Variants in VSTM4 observed in about 807,000 individuals in gnomAD.
VSTM4 encodes V-set and transmembrane domain containing 4.
In VSTM4, 20 loss-of-function variants were observed where a neutral mutation model predicts 36.4. The observed-to-expected ratio is 0.55, with a 90% CI of 0.39 to 0.80. VSTM4 has a LOEUF of 0.80. Ranked by LOEUF, VSTM4 falls within the 30% of genes least tolerant of loss-of-function variation. VSTM4 has a pLI of 0.00. For synonymous variants in VSTM4, 182 were observed against 173.9 expected (o/e 1.05, Z -0.37); for missense variants, 392 against 404.5 (o/e 0.97, Z 0.26).
chr10:49,028,802 A>G (rs768473680), intron 7 of VSTM4, among the ~76,000 whole-genome samples: 2 of 152,252 alleles, frequency 1.3e-5, no homozygotes, highest in East Asian at 1.9e-4. Flanking sequence ...CAAAAGTTCA[A>G]TTGGGTAATA....
chr10:49,103,979 C>G, intron 2 of VSTM4: 1 of 778,336 alleles, frequency 1.3e-6, no homozygotes, highest in African/African-American at 1.7e-5. Flanking sequence ...AGGTACGGAC[C>G]ACAGAACTTC....
chr10:49,033,583 C>T (rs1237339946), intron 7 of VSTM4, among the ~76,000 whole-genome samples: 1 of 152,214 alleles, frequency 6.6e-6, no homozygotes, highest in African/African-American at 2.4e-5. Flanking sequence ...AGACATTAAA[C>T]ACCCTGAAAA....
chr10:49,028,728 C>G (rs2131937788), intron 7 of VSTM4, among the ~76,000 whole-genome samples: 1 of 152,312 alleles, frequency 6.6e-6, no homozygotes, highest in African/African-American at 2.4e-5. Flanking sequence ...GGATGTGTAA[C>G]TTGAATTAAG....
chr10:49,021,493 A>C (rs2137919), intron 7 of VSTM4, among the ~76,000 whole-genome samples: 135,256 of 152,150 alleles, frequency 0.89, 60,662 homozygotes, highest in East Asian at 1. Context: ...TATTAAAGGG[A>C]TTTGCAATTC....
At chr10:49,023,676 A>T (rs997429898) in intron 7 of VSTM4, among the ~76,000 whole-genome samples, 1 of 152,200 alleles carries the variant, frequency 6.6e-6, no homozygotes, top group African/African-American at 2.4e-5. Flanking sequence ...AAGCTAGGGA[A>T]TCACTCCCAG....
intron 7 of VSTM4, among the ~76,000 whole-genome samples, chr10:49,037,936 C>CAA (rs371679019): frequency 3.1e-5 from 4 of 128,162 alleles, no homozygotes; most frequent in South Asian, 2.5e-4. Context: ...TAGCTACTAT[C>CAA]AAAGAAAAAA....
At chr10:49,086,094 A>G (rs1844366549) in intron 2 of VSTM4, 71 bp from the exon 3 acceptor site, 3 of 982,866 alleles carry the variant, frequency 3.1e-6, no homozygotes, top group Non-Finnish European at 4.5e-6. Flanking sequence ...ACTTACATTT[A>G]CAAAGCAATT....
Position 49,032,174 on chromosome 10 carries a change from A to G in VSTM4, c.838-12399T>C, listed in dbSNP as rs141777588. On this transcript the variant is annotated intron_variant, in intron 7 of 7. Coordinates refer to ENST00000332853, the MANE Select transcript of VSTM4 (RefSeq NM_001031746.5). Reference sequence around the variant, plus strand: ...AAAGAATGTGACAACAGCACCTAATATTTACTTAGTACAACAACTAGTCTA... The same window carrying G: ...AAAGAATGTGACAACAGCACCTAATGTTTACTTAGTACAACAACTAGTCTA... 1.5e-4 allele frequency among the ~76,000 whole-genome samples: 23 copies of G among 152,340 alleles called. No individual in the cohort carries two copies. In the East Asian group the frequency reaches 4.4e-3, roughly 29 times the overall value.
chr10:49,105,205 C>T (rs199922930), intron 2 of VSTM4, among the ~76,000 whole-genome samples: 2 of 70,650 alleles, frequency 2.8e-5, no homozygotes, highest in African/African-American at 6.0e-5. Flanking sequence ...GAGGGAGAGA[C>T]AGAGAGACAG....
chr10:49,092,821 T>C (rs1324876949), intron 2 of VSTM4, among the ~76,000 whole-genome samples: 1 of 151,898 alleles, frequency 6.6e-6, no homozygotes, highest in East Asian at 1.9e-4. Flanking sequence ...CGCAAGCGGC[T>C]TGGTAGTCCA....
At chr10:49,042,393 T>G (rs142992301) in intron 7 of VSTM4, among the ~76,000 whole-genome samples, 46 of 152,338 alleles carry the variant, frequency 3.0e-4, no homozygotes, top group Non-Finnish European at 5.6e-4. Flanking sequence ...CACAGTTCAC[T>G]GCAGGCAAAA....
intron 4 of VSTM4, among the ~76,000 whole-genome samples, chr10:49,073,744 A>T (rs1291023603): frequency 6.6e-6 from 1 of 152,212 alleles, no homozygotes; most frequent in African/African-American, 2.4e-5. Context: ...GAAGCTTGAC[A>T]TCTGTGATAT....
chr10:49,096,027 C>T (rs1363395971), intron 2 of VSTM4, among the ~76,000 whole-genome samples: 14 of 152,200 alleles, frequency 9.2e-5, no homozygotes, highest in Admixed American at 8.5e-4. Flanking sequence ...GTTTAAATTA[C>T]ACTCTGGTTG....
intron 3 of VSTM4, among the ~76,000 whole-genome samples, chr10:49,084,984 C>A (rs547364481): frequency 6.6e-6 from 1 of 152,346 alleles, no homozygotes; most frequent in African/African-American, 2.4e-5. Context: ...GCTGTGACAA[C>A]CAAAGATACA....
At chr10:49,072,995 T>C (rs966153457) in intron 4 of VSTM4, among the ~76,000 whole-genome samples, 4 of 152,244 alleles carry the variant, frequency 2.6e-5, no homozygotes, top group Non-Finnish European at 4.4e-5. Context: ...TACCCGTGTG[T>C]GTTGACAGGA....
intron 7 of VSTM4, among the ~76,000 whole-genome samples, chr10:49,038,174 A>G (rs1031578159): frequency 6.6e-6 from 1 of 152,268 alleles, no homozygotes; most frequent in Non-Finnish European, 1.5e-5. Context: ...TCACGTCAGC[A>G]TTAGTCACAA....
chr10:49,107,535 A>AG, intron 2 of VSTM4, 59 bp downstream of exon 2: 2 of 1,533,154 alleles, frequency 1.3e-6, no homozygotes, highest in Admixed American at 2.1e-5. Context: ...GTGGCTGCAA[A>AG]GGGGGGCCTA....
chr10:49,101,146 G>A (rs1844658432), intron 2 of VSTM4, among the ~76,000 whole-genome samples: 1 of 151,660 alleles, frequency 6.6e-6, no homozygotes, highest in African/African-American at 2.4e-5. Context: ...ACAAAACCAA[G>A]GTACCATGTA....
rs984812981 is a variant in VSTM4, at chr10:49,019,698, G to C, written c.915C>G (p.Pro305=). The part of the protein sequence containing the change: ...IKPHRAAKGA[P]TSTVYAQILF... ...GGATCTGGGCGTAGACAGTGCTGGT[G>C]GGGGCGCCTTTGGCAGCCCGGTGGG... is the stretch of plus-strand genomic sequence containing the variant. Residue 305 remains proline (P), a synonymous_variant, in exon 8 of 8, where the codon CCC becomes CCG. Transcript: ENST00000332853. The C allele has an allele frequency of 6.2e-7, 1 of 1,613,892 alleles. No homozygotes were observed. The highest frequency in any genetic ancestry group is 1.3e-5 in the African/African-American group (1 of 74,926).
Sources: gnomAD v4.1 joint callset for allele counts (sites outside exome capture counted in the v4.1 genomes callset) on GRCh38, gnomAD v4.1.1 for gene constraint, MANE v1.5 for transcripts, NCBI Gene and HGNC (gene_info 2026-07-23, HGNC 2026-07-21) for gene names.